NRXN1: variants seen among roughly 807,000 people sequenced by gnomAD.
The protein encoded by NRXN1 is neurexin 1, also known as neurexin-1.
NRXN1 carries 39 observed loss-of-function variants against 150.9 expected under a neutral mutation model. The observed-to-expected ratio is 0.26, with a 90% CI of 0.20 to 0.34. NRXN1 has a LOEUF of 0.34. Ranked by LOEUF, NRXN1 falls within the 10% of genes least tolerant of loss-of-function variation. The pLI, the probability that NRXN1 is intolerant of heterozygous loss-of-function variation, is 1.00. For synonymous variants in NRXN1, 924 were observed against 757.0 expected (o/e 1.22, Z -3.62); for missense variants, 1,815 against 1,949.9 (o/e 0.93, Z 1.30).
chr2:50,908,170 T>C (rs1425334089), intron 5 of NRXN1, among the ~76,000 whole-genome samples: 3 of 152,052 alleles, frequency 2.0e-5, no homozygotes, highest in African/African-American at 2.4e-5. Context: ...CTTTTAATGA[T>C]TGAAGGTAGA....
intron 15 of NRXN1, among the ~76,000 whole-genome samples, chr2:50,492,530 C>T (rs2091311728): frequency 6.6e-6 from 1 of 152,156 alleles, no homozygotes; most frequent in Non-Finnish European, 1.5e-5. Context: ...AAGAATGCAT[C>T]ACTATAAAAG....
chr2:50,614,629 A>C (rs912383907), intron 8 of NRXN1, among the ~76,000 whole-genome samples: 4 of 143,238 alleles, frequency 2.8e-5, no homozygotes, highest in Admixed American at 7.1e-5. Flanking sequence ...TAGAACTTAA[A>C]GTATAATAAA....
At chr2:50,771,510 G>T (rs946024136) in intron 5 of NRXN1, among the ~76,000 whole-genome samples, 2 of 152,024 alleles carry the variant, frequency 1.3e-5, no homozygotes, top group African/African-American at 4.8e-5. Flanking sequence ...CTGGAACCAG[G>T]TCTATTTATT....
intron 17 of NRXN1, among the ~76,000 whole-genome samples, chr2:50,405,949 T>C (rs1224081617): frequency 1.3e-5 from 2 of 152,184 alleles, no homozygotes; most frequent in Non-Finnish European, 2.9e-5. Flanking sequence ...ATAATATTAT[T>C]ATCATTGTTT....
chr2:50,330,926 T>C (rs2076797112), intron 17 of NRXN1, among the ~76,000 whole-genome samples: 1 of 152,178 alleles, frequency 6.6e-6, no homozygotes. Context: ...ATTTGTAATA[T>C]TAGGGGTGGG....
intron 17 of NRXN1, among the ~76,000 whole-genome samples, chr2:50,265,837 A>C (rs2068770758): frequency 6.6e-6 from 1 of 152,054 alleles, no homozygotes; most frequent in South Asian, 2.1e-4. Context: ...TTTAGAAATA[A>C]TTTCTTTGGC....
At chr2:50,954,573 G>T (rs951409889) in intron 2 of NRXN1, among the ~76,000 whole-genome samples, 6 of 152,174 alleles carry the variant, frequency 3.9e-5, no homozygotes, top group African/African-American at 7.2e-5. Flanking sequence ...AAAGAAACCT[G>T]AATGGGTAGA....
intron 21 of NRXN1, chr2:49,969,698 C>T (rs1034060390): frequency 2.0e-5 from 3 of 151,958 alleles, no homozygotes; most frequent in African/African-American, 7.2e-5. Flanking sequence ...AGGATCAACT[C>T]TGCTTAGCTT....
intron 5 of NRXN1, among the ~76,000 whole-genome samples, chr2:50,806,992 A>G (rs1667592864): frequency 6.6e-6 from 1 of 152,122 alleles, no homozygotes; most frequent in African/African-American, 2.4e-5. Context: ...ATTTGTGATT[A>G]ATTTATTTTG....
At chr2:50,303,496 T>C (rs2074350282) in intron 17 of NRXN1, among the ~76,000 whole-genome samples, 1 of 152,174 alleles carries the variant, frequency 6.6e-6, no homozygotes, top group Non-Finnish European at 1.5e-5. Flanking sequence ...GTCATTATCA[T>C]GCATTACTCA....
intron 21 of NRXN1, among the ~76,000 whole-genome samples, chr2:49,986,104 C>T (rs1680858880): frequency 2.0e-5 from 3 of 152,166 alleles, no homozygotes; most frequent in Admixed American, 1.3e-4. Flanking sequence ...TAATATGTGA[C>T]TTCGATCTAA....
intron 18 of NRXN1, among the ~76,000 whole-genome samples, chr2:50,169,433 G>C (rs182520014): frequency 6.6e-5 from 10 of 152,224 alleles, no homozygotes; most frequent in East Asian, 5.8e-4. Flanking sequence ...GGATGAGGTA[G>C]GCAGGGCCCA....
chr2:50,915,898 T>A (rs1685148871), intron 5 of NRXN1, among the ~76,000 whole-genome samples: 1 of 150,316 alleles, frequency 6.7e-6, no homozygotes, highest in Non-Finnish European at 1.5e-5. Context: ...GGTTTTGATA[T>A]TTGAGGCTAA....
chr2:50,529,357 G>A (rs1176529288), intron 11 of NRXN1, among the ~76,000 whole-genome samples: 2 of 152,116 alleles, frequency 1.3e-5, no homozygotes, highest in Admixed American at 1.3e-4. Context: ...TGTTATCTCT[G>A]TGTAATAAGT....
chr2:50,137,220 G>A (rs1035327470), intron 18 of NRXN1, among the ~76,000 whole-genome samples: 2 of 151,994 alleles, frequency 1.3e-5, no homozygotes, highest in Non-Finnish European at 2.9e-5. Context: ...AATATTATTT[G>A]TCAATTATAA....
intron 17 of NRXN1, among the ~76,000 whole-genome samples, chr2:50,421,878 C>T (rs1168276523): frequency 3.9e-5 from 6 of 152,052 alleles, no homozygotes; most frequent in Non-Finnish European, 8.8e-5. Flanking sequence ...TTGGGATAGT[C>T]AATTTACAAG....
At chr2:50,054,919 A>G (rs751159727) in intron 20 of NRXN1, 36 bp downstream of exon 20, 3 of 1,371,936 alleles carry the variant, frequency 2.2e-6, no homozygotes, top group African/African-American at 3.0e-5. Context: ...TGTTCAAATT[A>G]TTTTTTTATT....
intron 17 of NRXN1, among the ~76,000 whole-genome samples, chr2:50,283,448 C>A (rs80266929): frequency 0.022 from 3,402 of 152,206 alleles, 121 homozygotes; most frequent in African/African-American, 0.078. Flanking sequence ...ACACAAAATA[C>A]ATATGCCAAA....
intron 9 of NRXN1, among the ~76,000 whole-genome samples, chr2:50,540,073 G>T (rs1010907537): frequency 6.6e-6 from 1 of 152,150 alleles, no homozygotes; most frequent in Non-Finnish European, 1.5e-5. Flanking sequence ...CAGGGAGAAG[G>T]GCATGGAAGC....
Sources: allele counts gnomAD v4.1 joint callset (sites outside exome capture counted in the v4.1 genomes callset), GRCh38; gene constraint gnomAD v4.1.1; transcripts MANE v1.5; gene names NCBI Gene and HGNC (gene_info 2026-07-23, HGNC 2026-07-21).